TENM3: variants seen among roughly 807,000 people sequenced by gnomAD.
The protein encoded by TENM3 is teneurin transmembrane protein 3.
TENM3 carries 63 observed loss-of-function variants against 255.1 expected under a neutral mutation model. The observed-to-expected ratio is 0.25, with a 90% CI of 0.20 to 0.30. The LOEUF (loss-of-function observed/expected upper bound fraction) is 0.30, where lower values mean the gene tolerates loss of function less well. TENM3 is among the 10% of genes least tolerant of loss of function. The pLI is 1.00. For synonymous variants in TENM3, 1,306 were observed against 1,322.3 expected, an observed-to-expected ratio of 0.99 and a Z score of 0.27; for missense variants, 2,929 against 3,461.1, an observed-to-expected ratio of 0.85 and a Z score of 3.86.
intron 3 of TENM3, among the ~76,000 whole-genome samples, chr4:182,372,646 G>A (rs6852586): frequency 0.025 from 3,735 of 151,844 alleles, 98 homozygotes; most frequent in African/African-American, 0.061. Flanking sequence ...CCTGTCCCAT[G>A]CTGAACAAAA....
At chr4:181,906,016 G>T in the TENM3 span, 30 of 459,122 alleles carry the variant, frequency 6.5e-5, no homozygotes, top group Admixed American at 7.3e-4. Flanking sequence ...ATTATATCTC[G>T]TAACAGTGAC....
chr4:182,446,626 CT>C (rs751176797), intron 3 of TENM3, among the ~76,000 whole-genome samples: 7,456 of 142,752 alleles, frequency 0.052, 200 homozygotes, highest in Non-Finnish European at 0.065. Flanking sequence ...GGTCCTAGCA[CT>C]TTTTTTTTTT....
intron 3 of TENM3, among the ~76,000 whole-genome samples, chr4:182,478,260 A>G (rs1204636326): frequency 6.6e-6 from 1 of 152,170 alleles, no homozygotes; most frequent in African/African-American, 2.4e-5. Context: ...CAGTAAAATT[A>G]AAGAATTAGT....
At chr4:181,887,857 C>G in the TENM3 span, among the ~76,000 whole-genome samples, 1 of 152,134 alleles carries the variant, frequency 6.6e-6, no homozygotes, top group African/African-American at 2.4e-5. Flanking sequence ...AGCATATTCC[C>G]TTGATTGAAA....
chr4:181,567,437 T>G, the TENM3 span, among the ~76,000 whole-genome samples: 1 of 152,244 alleles, frequency 6.6e-6, no homozygotes, highest in Non-Finnish European at 1.5e-5. Context: ...TAACATAAAT[T>G]ATTAACTCTA....
the TENM3 span, among the ~76,000 whole-genome samples, chr4:181,456,865 A>G: frequency 8.8e-6 from 1 of 113,764 alleles, no homozygotes; most frequent in African/African-American, 3.5e-5. Context: ...CTCTGAATAA[A>G]TACAAAATTT....
the TENM3 span, among the ~76,000 whole-genome samples, chr4:181,832,866 T>C: frequency 2.6e-4 from 40 of 152,218 alleles, no homozygotes; most frequent in African/African-American, 9.6e-4. Context: ...ATGAACCCCG[T>C]GGATAACCAA....
chr4:181,679,480 G>A, the TENM3 span, among the ~76,000 whole-genome samples: 1 of 151,940 alleles, frequency 6.6e-6, no homozygotes, highest in Non-Finnish European at 1.5e-5. Context: ...AAATTCTTAT[G>A]CACATTTCCA....
chr4:182,372,807 C>T (rs1766931121), intron 3 of TENM3, among the ~76,000 whole-genome samples: 1 of 152,194 alleles, frequency 6.6e-6, no homozygotes, highest in African/African-American at 2.4e-5. Context: ...TGGCTCACTG[C>T]AGCCTCTGCC....
chr4:182,333,988 A>G (rs558542616), intron 2 of TENM3, among the ~76,000 whole-genome samples: 2 of 152,330 alleles, frequency 1.3e-5, no homozygotes, highest in East Asian at 1.9e-4. Flanking sequence ...GCTGACTGGC[A>G]GTTTACCTAA....
chr4:181,908,517 T>C, the TENM3 span, among the ~76,000 whole-genome samples: 2 of 152,204 alleles, frequency 1.3e-5, no homozygotes, highest in Admixed American at 1.3e-4. Flanking sequence ...GACAGCAATT[T>C]TCTGATGAAT....
At chr4:182,551,285 A>G (rs1247037561) in intron 3 of TENM3, among the ~76,000 whole-genome samples, 1 of 151,926 alleles carries the variant, frequency 6.6e-6, no homozygotes, top group East Asian at 1.9e-4. Context: ...AATAACACGA[A>G]GATGATGAAA....
the TENM3 span, among the ~76,000 whole-genome samples, chr4:181,766,769 C>CAAAAAAAAAA: frequency 6.8e-6 from 1 of 147,982 alleles, no homozygotes; most frequent in Admixed American, 6.7e-5. Flanking sequence ...AAAAAAAAAG[C>CAAAAAAAAAA]AAAATTCCAT....
intron 6 of TENM3, 40 bp from the exon 7 acceptor site, chr4:182,672,963 TAA>T: frequency 7.3e-7 from 1 of 1,378,336 alleles, no homozygotes; most frequent in Non-Finnish European, 9.8e-7. Flanking sequence ...TTTGTTTTTT[TAA>T]AAAAAATTTG....
intron 6 of TENM3, among the ~76,000 whole-genome samples, chr4:182,661,582 T>C (rs1754234248): frequency 6.6e-6 from 1 of 152,212 alleles, no homozygotes; most frequent in Admixed American, 6.6e-5. Flanking sequence ...AAAGTAGTTA[T>C]GTCTTATTTC....
the TENM3 span, among the ~76,000 whole-genome samples, chr4:181,448,216 G>A: frequency 7.6e-6 from 1 of 132,368 alleles, no homozygotes; most frequent in Non-Finnish European, 1.5e-5. Flanking sequence ...GCCCAGGCTG[G>A]AGTGCAGTGG....
chr4:181,922,538 T>C, the TENM3 span, among the ~76,000 whole-genome samples: 26 of 152,296 alleles, frequency 1.7e-4, no homozygotes, highest in South Asian at 5.2e-3. Flanking sequence ...GTTTGTAGTA[T>C]TCTCTGATGG....
the TENM3 span, among the ~76,000 whole-genome samples, chr4:181,711,006 T>C: frequency 2.6e-5 from 4 of 152,232 alleles, no homozygotes; most frequent in South Asian, 4.2e-4. Context: ...GTTTACTAAA[T>C]TTAAGTAAAT....
the TENM3 span, among the ~76,000 whole-genome samples, chr4:181,702,330 T>G: frequency 6.6e-6 from 1 of 152,180 alleles, no homozygotes; most frequent in African/African-American, 2.4e-5. Context: ...ATGGAAGAAT[T>G]CAACACAAAC....
Sources: allele counts gnomAD v4.1 joint callset (sites outside exome capture counted in the v4.1 genomes callset), GRCh38; gene constraint gnomAD v4.1.1; transcripts MANE v1.5; gene names NCBI Gene and HGNC (gene_info 2026-07-23, HGNC 2026-07-21).